The following DYM variants were observed in gnomAD, a reference collection of about 807,000 sequenced individuals.
DYM encodes the protein dymeclin.
DYM carries 78 observed loss-of-function variants against 93.1 expected under a neutral mutation model. The ratio of observed to expected loss-of-function variants is 0.84; its 90% confidence interval spans 0.70 to 1.01. The LOEUF is 1.01. Ranked by LOEUF, DYM falls within the 50% of genes least tolerant of loss-of-function variation. DYM has a pLI of 0.00. For synonymous variants in DYM, 321 were observed against 319.7 expected (o/e 1.00, Z -0.04); for missense variants, 789 against 845.0 (o/e 0.93, Z 0.82).
At chr18:49,161,277 T>C (rs2087085864) in intron 15 of DYM, among the ~76,000 whole-genome samples, 1 of 152,174 alleles carries the variant, frequency 6.6e-6, no homozygotes, top group Non-Finnish European at 1.5e-5. Context: ...AAATTCAAAT[T>C]GTCCTATCAT....
At chr18:49,392,227 G>C (rs1402289715) in intron 2 of DYM, among the ~76,000 whole-genome samples, 1 of 152,258 alleles carries the variant, frequency 6.6e-6, no homozygotes. Flanking sequence ...AAGAGGCACA[G>C]ATAGACAGAG....
chr18:49,188,804 C>A (rs2090695428), intron 14 of DYM, among the ~76,000 whole-genome samples: 1 of 152,068 alleles, frequency 6.6e-6, no homozygotes, highest in Non-Finnish European at 1.5e-5. Context: ...CTAACCTGCA[C>A]ATTGTGCACA....
At chr18:49,188,871 C>T (rs2090702439) in intron 14 of DYM, among the ~76,000 whole-genome samples, 2 of 152,118 alleles carry the variant, frequency 1.3e-5, no homozygotes, top group African/African-American at 4.8e-5. Flanking sequence ...ACAAAGACAA[C>T]TGCACTTGCA....
intron 15 of DYM, among the ~76,000 whole-genome samples, chr18:49,146,534 A>T (rs530553692): frequency 1.3e-4 from 20 of 152,342 alleles, no homozygotes; most frequent in East Asian, 7.7e-4. Flanking sequence ...AATCACAAGC[A>T]TTCTTATACA....
intron 17 of DYM, among the ~76,000 whole-genome samples, chr18:49,078,524 CA>C (rs985880622): frequency 6.6e-5 from 10 of 151,920 alleles, no homozygotes; most frequent in African/African-American, 2.4e-4. Context: ...TCCTAAAAAC[CA>C]ATGTGATAAT....
At chr18:49,067,108 A>G (rs1568365538) in intron 17 of DYM, among the ~76,000 whole-genome samples, 1 of 152,246 alleles carries the variant, frequency 6.6e-6, no homozygotes. Flanking sequence ...CAGTAGAGGA[A>G]GGAGTGGGGT....
chr18:49,087,058 A>T (rs1304105743), intron 17 of DYM, among the ~76,000 whole-genome samples: 1 of 152,122 alleles, frequency 6.6e-6, no homozygotes, highest in African/African-American at 2.4e-5. Flanking sequence ...CCCTTCTGCC[A>T]TGTGGAAGAT....
rs2070884537 is a variant in DYM at position 49,040,838 on chromosome 18, A to G, written c.*3217T>C. Among the ~76,000 whole-genome samples, 1 of 152,216 alleles carries G rather than the reference A, an allele frequency of 6.6e-6. No homozygotes were observed. Among genetic ancestry groups the G allele is most frequent in the South Asian group, 2.1e-4 (1 of 4,834 alleles). On this transcript the variant is annotated 3_prime_UTR_variant, in exon 18 of 18. Transcript: ENST00000675505. ...CAAAACCCTGGCTCCCGGAATCTAA[A>G]GGACGAAATGTTGCTTAAAGTATGA...
intron 8 of DYM, among the ~76,000 whole-genome samples, chr18:49,304,421 C>T (rs933700640): frequency 6.6e-6 from 1 of 152,220 alleles, no homozygotes; most frequent in Non-Finnish European, 1.5e-5. Flanking sequence ...TTGCCCACAG[C>T]TCTCTTCATC....
chr18:49,456,487 C>G (rs1481128588), intron 1 of DYM, among the ~76,000 whole-genome samples: 1 of 151,880 alleles, frequency 6.6e-6, no homozygotes, highest in Non-Finnish European at 1.5e-5. Flanking sequence ...ATATGATGGA[C>G]AAAAGGTTTT....
intron 15 of DYM, among the ~76,000 whole-genome samples, chr18:49,133,326 T>C (rs2083542756): frequency 1.3e-5 from 2 of 152,106 alleles, no homozygotes; most frequent in South Asian, 4.2e-4. Flanking sequence ...TAACAAAAAA[T>C]TTTCAAAATT....
chr18:49,302,336 A>G (rs1458933433), intron 8 of DYM, among the ~76,000 whole-genome samples: 1 of 151,410 alleles, frequency 6.6e-6, no homozygotes, highest in African/African-American at 2.4e-5. Flanking sequence ...AAAGCATTTT[A>G]TAAAACTTAT....
chr18:49,368,415 T>C (rs1234708511), intron 5 of DYM, among the ~76,000 whole-genome samples: 1 of 152,200 alleles, frequency 6.6e-6, no homozygotes, highest in African/African-American at 2.4e-5. Flanking sequence ...ACAAGTCTTA[T>C]ATATTACAAG....
At chr18:49,057,147 T>G (rs1199589294) in intron 17 of DYM, among the ~76,000 whole-genome samples, 1 of 152,232 alleles carries the variant, frequency 6.6e-6, no homozygotes, top group Non-Finnish European at 1.5e-5. Flanking sequence ...CTGGTATAAA[T>G]CCATGTGATC....
intron 13 of DYM, among the ~76,000 whole-genome samples, chr18:49,230,034 A>AC (rs1228383526): frequency 4.6e-5 from 7 of 152,250 alleles, no homozygotes; most frequent in Admixed American, 3.9e-4. Context: ...AAACTAAATA[A>AC]CAGAAGGGGG....
In DYM at chr18:49,333,816, T is replaced by C. The variant is rs763106797; in HGVS notation, c.532A>G (p.Thr178Ala). The C allele has an allele frequency of 7.4e-6, 12 of 1,612,948 alleles. No individual in the cohort carries two copies. The East Asian group carries it at 1.3e-4, about 18-fold the overall frequency. ...TYEISVEAISTMVVFLSCQLF... is the reference protein window; with the variant it reads ...TYEISVEAISAMVVFLSCQLF... ...TGGCAGGAAAGGAAAACAACCATTGTTGATATAGCTTCTACTGATATTTCA... is the reference window on the plus strand; with the variant it reads ...TGGCAGGAAAGGAAAACAACCATTGCTGATATAGCTTCTACTGATATTTCA... Residue 178 changes from threonine (T) to alanine (A), a missense_variant, in exon 7 of 18, where the codon ACA becomes GCA. Thr to Ala is a moderately conservative substitution (Grantham distance 58, BLOSUM62 0). Transcript: ENST00000675505.
intron 1 of DYM, among the ~76,000 whole-genome samples, chr18:49,456,484 G>T (rs2082997937): frequency 6.6e-6 from 1 of 151,886 alleles, no homozygotes; most frequent in Admixed American, 6.6e-5. Flanking sequence ...ATCATATGAT[G>T]GACAAAAGGT....
intron 13 of DYM, among the ~76,000 whole-genome samples, chr18:49,235,201 C>T (rs1038470687): frequency 6.6e-6 from 1 of 152,210 alleles, no homozygotes; most frequent in Admixed American, 6.5e-5. Context: ...CTTGTTACAG[C>T]AGCAAATGGA....
rs143467680 is a variant in DYM at position 49,065,134 on chromosome 18, C to T, written c.2026-20930G>A. On this transcript the variant is annotated intron_variant, in intron 17 of 17. Coordinates refer to ENST00000675505, the MANE Select transcript of DYM (RefSeq NM_001353214.3). ...AAAATACAAATTGGCTGCAAGTGCT[C>T]ACAGACAAATCACAAGCTTGGCTTG... Among the ~76,000 whole-genome samples the T allele has an allele frequency of 2.6e-5, 4 of 152,214 alleles. No homozygotes were observed. In the East Asian group the frequency reaches 7.7e-4, roughly 29 times the overall value.
Sources: gnomAD v4.1 joint callset for allele counts (sites outside exome capture counted in the v4.1 genomes callset) on GRCh38, gnomAD v4.1.1 for gene constraint, MANE v1.5 for transcripts, NCBI Gene and HGNC (gene_info 2026-07-23, HGNC 2026-07-21) for gene names.